The following SPPL2B variants were observed in gnomAD, a reference collection of about 807,000 sequenced individuals.
The protein encoded by SPPL2B is signal peptide peptidase like 2B.
Under a neutral mutation model 59.7 loss-of-function variants are expected in SPPL2B, and 39 were observed. The ratio of observed to expected loss-of-function variants is 0.65; its 90% CI spans 0.51 to 0.85. The LOEUF is 0.85. Among genes scored for constraint, SPPL2B ranks in the 40% least tolerant of loss-of-function variants. SPPL2B has a pLI of 0.00. For synonymous variants in SPPL2B, 419 were observed against 370.8 expected (o/e 1.13, Z -1.49); for missense variants, 865 against 849.0 (o/e 1.02, Z -0.23).
intron 14 of SPPL2B, 108 bp from the exon 15 acceptor site, chr19:2,352,838 A>G: frequency 2.4e-6 from 3 of 1,276,072 alleles, no homozygotes; most frequent in Non-Finnish European, 3.3e-6. Context: ...ATGGCGCCTC[A>G]TTTTGACCCT....
chr19:2,338,925 C>T (rs1968827445), intron 4 of SPPL2B, 84 bp downstream of exon 4: 1 of 1,515,886 alleles, frequency 6.6e-7, no homozygotes, highest in African/African-American at 1.4e-5. Context: ...GTTTGTGCCT[C>T]AGTTGGTGGG....
At chr19:2,334,570 C>CTT (rs745328237) in intron 1 of SPPL2B, 32 bp from the exon 2 acceptor site, 2 of 1,596,118 alleles carry the variant, frequency 1.3e-6, no homozygotes, top group South Asian at 2.3e-5. Context: ...ACGTCCCGTG[C>CTT]TGTGGCTCTG....
chr19:2,336,050 T>C (rs1968586808), intron 2 of SPPL2B, among the ~76,000 whole-genome samples: 2 of 152,276 alleles, frequency 1.3e-5, no homozygotes, highest in South Asian at 2.1e-4. Flanking sequence ...GACATGTGCC[T>C]GAGTGCATAT....
chr19:2,341,079 G>A, intron 8 of SPPL2B, 65 bp downstream of exon 8: 6 of 1,174,550 alleles, frequency 5.1e-6, no homozygotes, highest in South Asian at 1.2e-5. Context: ...GGGCTCCTGG[G>A]GCCCTGACTC....
intron 14 of SPPL2B, 53 bp from the exon 15 acceptor site, chr19:2,352,893 G>T (rs1970003261): frequency 1.9e-6 from 3 of 1,601,308 alleles, no homozygotes; most frequent in Non-Finnish European, 2.6e-6. Flanking sequence ...CCCTGCCAGG[G>T]TCCTCCTCTG....
intron 1 of SPPL2B, among the ~76,000 whole-genome samples, chr19:2,333,723 T>C (rs1285465975): frequency 6.6e-6 from 1 of 152,224 alleles, no homozygotes; most frequent in Non-Finnish European, 1.5e-5. Context: ...CCCCGTTGTG[T>C]GTCAGGGGCT....
rs574210525 is a variant in SPPL2B at position 2,334,629 on chromosome 19, G to C, written c.94G>C (p.Val32Leu). The change falls in exon 2 of 15, where the codon GTG becomes CTG. Residue 32 changes from valine to leucine, a missense_variant. Physicochemically the swap from Val to Leu is conservative, Grantham distance 32. Transcript: ENST00000613503. ...QVACEYGMVH[V>L]VSQAGGPEGK... Reference sequence around the variant, plus strand: ...GGCCTGTGAGTACGGCATGGTGCACGTGGTCTCCCAGGCCGGGGGCCCCGA... The same window carrying C: ...GGCCTGTGAGTACGGCATGGTGCACCTGGTCTCCCAGGCCGGGGGCCCCGA... The C allele has an allele frequency of 6.2e-7, 1 of 1,612,698 alleles. No homozygotes were observed. Among genetic ancestry groups the C allele is most frequent in the South Asian group, 1.1e-5 (1 of 90,886 alleles).
At position 2,339,883 on chromosome 19, in the gene SPPL2B, A is replaced by T; in HGVS notation, c.659A>T (p.Asp220Val). 6.3e-7 allele frequency: 1 copy of T among 1,595,832 alleles called. No homozygotes were observed. Among genetic ancestry groups the T allele is most frequent in the Admixed American group, 1.7e-5 (1 of 57,182 alleles). Residue 220 changes from aspartate to valine, a missense_variant, in exon 6 of 15, where the codon GAC becomes GTC. Transcript: ENST00000613503. Reference sequence around the variant, plus strand: ...GAGAAGCAGGAGGACGAGGCGGTGGACGTGACGCCGGTGATGACCTGCGTG... The same window carrying T: ...GAGAAGCAGGAGGACGAGGCGGTGGTCGTGACGCCGGTGATGACCTGCGTG... Reference protein sequence around the residue: ...GPEKQEDEAVDVTPVMTCVFV... With the variant: ...GPEKQEDEAVVVTPVMTCVFV...
At chr19:2,346,918 TAGAAA>T (rs1555755660) in intron 13 of SPPL2B, among the ~76,000 whole-genome samples, 11 of 152,190 alleles carry the variant, frequency 7.2e-5, no homozygotes, top group Non-Finnish European at 1.6e-4. Flanking sequence ...AGATGGGTGT[TAGAAA>T]AAGTGCCGGG....
At position 2,353,367 on chromosome 19, in the gene SPPL2B, T is replaced by A; in HGVS notation, c.*158T>A. ...TGGTGCTCATCCTTGCCGAGACCCC[T>A]GCGGTCTGTGCCCGCGCCCAGCCCA... is the stretch of plus-strand genomic sequence containing the variant. On this transcript the variant is annotated 3_prime_UTR_variant, in exon 15 of 15. Coordinates refer to ENST00000613503, the MANE Select transcript of SPPL2B (RefSeq NM_152988.3). The A allele has an allele frequency of 1.1e-6, 1 of 949,764 alleles. No individual in the cohort carries two copies. Among genetic ancestry groups the A allele is most frequent in the Non-Finnish European group, 1.5e-6 (1 of 660,826 alleles). 58.8% of individuals were successfully genotyped at this position (949,764 alleles called of 1,614,324 possible).
At chr19:2,337,296 G>A (rs568910451) in intron 2 of SPPL2B, 147 bp from the exon 3 acceptor site, 196 of 694,458 alleles carry the variant, frequency 2.8e-4, no homozygotes, top group Non-Finnish European at 4.2e-4. Flanking sequence ...AGTAGGGATG[G>A]CTCTGCCTAG....
chr19:2,344,334 C>G (rs1270329598), intron 10 of SPPL2B, 28 bp from the exon 11 acceptor site: 2 of 1,494,712 alleles, frequency 1.3e-6, no homozygotes, highest in Non-Finnish European at 1.8e-6. Flanking sequence ...CATCACCACG[C>G]TCCCTCACTC....
At position 2,334,768 on chromosome 19, in the gene SPPL2B, C is replaced by T. The variant is rs562833983; in HGVS notation, c.186+47C>T. On this transcript the variant is annotated intron_variant, in intron 2 of 14. Coordinates refer to ENST00000613503, the MANE Select transcript of SPPL2B (RefSeq NM_152988.3). Reference sequence around the variant, plus strand: ...GCCGCTGCGGAGGAGAATGCGGGGGCCCCGGGGCTCTAGAGACACATCCGG... The same window carrying T: ...GCCGCTGCGGAGGAGAATGCGGGGGTCCCGGGGCTCTAGAGACACATCCGG... The T allele has an allele frequency of 4.5e-5, 66 of 1,476,024 alleles. No individual in the cohort carries two copies. In the South Asian group the frequency reaches 6.2e-4, roughly 14 times the overall value. The allele number at this position is 1,476,024 out of a possible 1,614,324, so 91.4% of individuals were successfully genotyped here.
rs769569818 is a variant in SPPL2B at position 2,354,890 on chromosome 19, C to G, written c.*1681C>G. On this transcript the variant is annotated 3_prime_UTR_variant, in exon 15 of 15. Transcript: ENST00000613503. ...TGAGCAGAACTGAGAGCTGGCAGGC[C>G]GCCTGGCTGTCCTGCAGAGGACGGA... The G allele has an allele frequency of 1.3e-5, 2 of 152,274 alleles. No homozygotes were observed. Among genetic ancestry groups the G allele is most frequent in the Non-Finnish European group, 2.9e-5 (2 of 68,104 alleles). The allele number at this position is 152,274 out of a possible 1,614,324, so 9.4% of individuals were successfully genotyped here. A position where few individuals can be genotyped will look rare whatever the true frequency, so the allele number is the denominator to read the frequency against.
chr19:2,334,702 C>T lies in SPPL2B; in HGVS notation c.167C>T (p.Pro56Leu), dbSNP rs375876911. The change falls in exon 2 of 15, where the codon CCG (proline) becomes CTG (leucine). Residue 56 changes from proline to leucine, a missense_variant. Transcript: ENST00000613503. ...ILYNPQWAHL[P>L]HDLSKASFLQ... Reference sequence around the variant, plus strand: ...TACAACCCGCAGTGGGCCCATCTTCCGCACGACCTCAGCAAGGCAGTGAGT... The same window carrying T: ...TACAACCCGCAGTGGGCCCATCTTCTGCACGACCTCAGCAAGGCAGTGAGT... 5.3e-5 allele frequency: 86 copies of T among 1,609,432 alleles called. 1 individual carries two copies. In the South Asian group the frequency reaches 7.0e-4, roughly 13 times the overall value.
rs776652373 is a variant in SPPL2B, at chr19:2,352,994, C to T, written c.1564C>T (p.Gln522Ter). Residue 522 changes from glutamine to a stop codon, truncating the protein, a stop_gained, in exon 15 of 15, where the codon CAG becomes TAG. Coordinates refer to ENST00000613503, the MANE Select transcript of SPPL2B (RefSeq NM_152988.3). LOFTEE classifies it low-confidence loss of function (END_TRUNC). ...GGCCCCAGCACCAGCCGACGGCCCG[C>T]AGCCTCCCAAAGACTCTGCCACGCC... ...PWAPAPADGP[Q>*]PPKDSATPLS... The T allele has an allele frequency of 1.9e-6, 3 of 1,612,122 alleles. No homozygotes were observed. The highest frequency in any genetic ancestry group is 2.5e-6 in the Non-Finnish European group (3 of 1,179,736).
At chr19:2,348,646 G>A (rs866027258) in intron 13 of SPPL2B, among the ~76,000 whole-genome samples, 8 of 115,842 alleles carry the variant, frequency 6.9e-5, no homozygotes, top group African/African-American at 9.7e-5. Context: ...GCTGTCATTC[G>A]CTTGATTCCG....
At chr19:2,333,643 C>A (rs1207986751) in intron 1 of SPPL2B, among the ~76,000 whole-genome samples, 1 of 152,250 alleles carries the variant, frequency 6.6e-6, no homozygotes, top group Non-Finnish European at 1.5e-5. Flanking sequence ...GTGGCAAGGG[C>A]CCCAGCCCGT....
chr19:2,347,260 CCA>C (rs1419188109), intron 13 of SPPL2B, among the ~76,000 whole-genome samples: 2 of 131,880 alleles, frequency 1.5e-5, no homozygotes, highest in Non-Finnish European at 3.2e-5. Context: ...CGTTCTCTCT[CCA>C]CACACACTCA....
Sources: gnomAD v4.1 joint callset for allele counts (sites outside exome capture counted in the v4.1 genomes callset) on GRCh38, gnomAD v4.1.1 for gene constraint, MANE v1.5 for transcripts, NCBI Gene and HGNC (gene_info 2026-07-23, HGNC 2026-07-21) for gene names.